Variants in GIT2 observed in about 807,000 individuals in gnomAD.
GIT2 encodes GIT ArfGAP 2, also known as ARF GTPase-activating protein GIT2.
In GIT2, 32 loss-of-function variants were observed where a neutral mutation model predicts 100.3. That is an observed-to-expected ratio of 0.32 (90% CI 0.24 to 0.43). The LOEUF is 0.43. Among genes scored for constraint, GIT2 ranks in the 20% least tolerant of loss-of-function variants. The pLI is 1.00. For missense variants in GIT2, 737 were observed against 975.1 expected (o/e 0.76, Z 3.25); for synonymous variants, 353 against 364.1 (o/e 0.97, Z 0.35).
At chr12:109,988,386 T>C (rs1887779789) in intron 4 of GIT2, among the ~76,000 whole-genome samples, 1 of 151,570 alleles carries the variant, frequency 6.6e-6, no homozygotes. Flanking sequence ...CTACAAAAAA[T>C]AAAAAATATT....
intron 3 of GIT2, among the ~76,000 whole-genome samples, chr12:109,989,485 C>T (rs1450189698): frequency 2.0e-5 from 3 of 152,116 alleles, no homozygotes; most frequent in African/African-American, 7.2e-5. Flanking sequence ...CTGAGGAAGC[C>T]ACTTACTCCT....
intron 14 of GIT2, chr12:109,949,152 A>C (rs1877147891): frequency 2.7e-6 from 1 of 370,030 alleles, no homozygotes; most frequent in African/African-American, 2.1e-5. Context: ...GAACAGCTGC[A>C]AAGCAGCTGA....
intron 9 of GIT2, among the ~76,000 whole-genome samples, chr12:109,964,385 A>G (rs1038503213): frequency 4.6e-5 from 7 of 152,142 alleles, no homozygotes; most frequent in African/African-American, 1.7e-4. Context: ...TGAGTATTAT[A>G]TGAAGTTTTA....
At chr12:109,942,743 A>G (rs548693843) in intron 16 of GIT2, 1 of 152,366 alleles carries the variant, frequency 6.6e-6, no homozygotes, top group East Asian at 1.9e-4. Flanking sequence ...ATTTTAGAAG[A>G]GTAGTGACTC....
intron 18 of GIT2, among the ~76,000 whole-genome samples, chr12:109,937,751 G>A (rs1295949028): frequency 6.6e-6 from 1 of 152,200 alleles, no homozygotes. Context: ...TGCCCAGGCT[G>A]GAGTGCAGTG....
intron 12 of GIT2, among the ~76,000 whole-genome samples, chr12:109,955,275 CACCACA>C (rs1879097029): frequency 6.6e-6 from 1 of 152,132 alleles, no homozygotes. Flanking sequence ...AAGCGCCCGC[CACCACA>C]CCCAGCTAAT....
At chr12:109,935,085 AAAAAAGACTG>A (rs1872624010) in intron 18 of GIT2, among the ~76,000 whole-genome samples, 1 of 152,188 alleles carries the variant, frequency 6.6e-6, no homozygotes, top group South Asian at 2.1e-4. Context: ...TCTAAAAAAA[AAAAAAGACTG>A]CCTACATTTT....
intron 7 of GIT2, among the ~76,000 whole-genome samples, chr12:109,978,424 G>A (rs1011616484): frequency 2.0e-5 from 3 of 151,966 alleles, no homozygotes; most frequent in Non-Finnish European, 4.4e-5. Context: ...CTTCAAATAC[G>A]TTTTCTGCAC....
intron 9 of GIT2, among the ~76,000 whole-genome samples, chr12:109,963,559 A>G (rs1881568093): frequency 6.6e-6 from 1 of 152,248 alleles, no homozygotes; most frequent in African/African-American, 2.4e-5. Flanking sequence ...CTAAAGTCAC[A>G]AAGCTAGTGA....
At chr12:109,969,935 T>C (rs1209965377) in intron 7 of GIT2, among the ~76,000 whole-genome samples, 1 of 151,972 alleles carries the variant, frequency 6.6e-6, no homozygotes, top group Non-Finnish European at 1.5e-5. Context: ...TTTGTATTTT[T>C]AGTAGAGACG....
At chr12:109,938,605 G>A (rs2136161974) in intron 17 of GIT2, 37 bp from the exon 18 acceptor site, 2 of 1,467,430 alleles carry the variant, frequency 1.4e-6, no homozygotes, top group South Asian at 2.6e-5. Context: ...TACAGCAGGT[G>A]CTTATCAGCT....
chr12:109,936,222 C>A (rs1872930722), intron 18 of GIT2, among the ~76,000 whole-genome samples: 2 of 146,298 alleles, frequency 1.4e-5, no homozygotes, highest in African/African-American at 2.6e-5. Context: ...AAAGAATGAG[C>A]TAATGATTAA....
chr12:109,959,663 C>T (rs1880530763), intron 12 of GIT2, among the ~76,000 whole-genome samples, 184 bp downstream of exon 12: 1 of 152,050 alleles, frequency 6.6e-6, no homozygotes, highest in Admixed American at 6.6e-5. Flanking sequence ...CACACGTATA[C>T]CTACGTAACA....
At chr12:109,959,631 T>G (rs1377351128) in intron 12 of GIT2, among the ~76,000 whole-genome samples, 1 of 152,038 alleles carries the variant, frequency 6.6e-6, no homozygotes, top group African/African-American at 2.4e-5. Context: ...GACAGGTCAA[T>G]AGGTGCAGCA....
Position 109,996,211 on chromosome 12 carries a change from A to C in GIT2, c.14T>G (p.Leu5Arg). 1.3e-6 allele frequency: 2 copies of C among 1,533,008 alleles called. No homozygotes were observed. Among genetic ancestry groups the C allele is most frequent in the Non-Finnish European group, 1.8e-6 (2 of 1,139,916 alleles). 95.0% of individuals were successfully genotyped at this position (1,533,008 alleles called of 1,614,324 possible). A position where few individuals can be genotyped will look rare whatever the true frequency, so the allele number is the denominator to read the frequency against. Residue 5 changes from leucine (L) to arginine (R), a missense_variant, in exon 1 of 20, where the codon CTC (leucine) becomes CGC (arginine). Coordinates refer to ENST00000355312, the MANE Select transcript of GIT2 (RefSeq NM_057169.5). ...GTCAGCGCACACCTCGCTGCTCCGG[A>C]GCCGTTTCGACATGGCTCCCACCTC... Reference protein sequence around the residue: MSKRLRSSEVCADCS... With the variant: MSKRRRSSEVCADCS...
Position 109,961,381 on chromosome 12 carries a change from C to G in GIT2, c.890-6G>C. 6.3e-7 allele frequency: 1 copy of G among 1,582,882 alleles called. No individual in the cohort carries two copies. On this transcript the variant is annotated splice_region_variant and splice_polypyrimidine_tract_variant and intron_variant, in intron 10 of 19. Coordinates refer to ENST00000355312, the MANE Select transcript of GIT2 (RefSeq NM_057169.5). The stretch of plus-strand genomic sequence containing the variant: ...GTTTTGCGTGGCAAGCCAGACTAGT[C>G]AGAGGAAAGAGCCAGAGACAAACCT...
chr12:109,977,620 G>A (rs925608390), intron 7 of GIT2, among the ~76,000 whole-genome samples: 1 of 151,250 alleles, frequency 6.6e-6, no homozygotes. Flanking sequence ...TCGGGAGTTC[G>A]AGACCAACCT....
chr12:109,965,996 T>G (rs1439964896), intron 8 of GIT2, among the ~76,000 whole-genome samples: 6 of 132,822 alleles, frequency 4.5e-5, no homozygotes, highest in African/African-American at 1.6e-4. Flanking sequence ...TCAGGGTTGT[T>G]TTTTTTTTTT....
intron 18 of GIT2, among the ~76,000 whole-genome samples, chr12:109,936,339 AAAAG>A (rs1042661889): frequency 1.4e-4 from 21 of 151,990 alleles, no homozygotes; most frequent in African/African-American, 4.8e-4. Context: ...AAAGAAAAAA[AAAAG>A]AAATTTCCCA....
Sources: allele counts gnomAD v4.1 joint callset (sites outside exome capture counted in the v4.1 genomes callset), GRCh38; gene constraint gnomAD v4.1.1; transcripts MANE v1.5; gene names NCBI Gene and HGNC (gene_info 2026-07-23, HGNC 2026-07-21).